The following CHL1 variants were observed in gnomAD, a reference collection of about 807,000 sequenced individuals.
CHL1 encodes neural cell adhesion molecule L1-like protein.
CHL1 carries 96 observed loss-of-function variants against 141.9 expected under a neutral mutation model. The ratio of observed to expected loss-of-function variants is 0.68; its 90% CI spans 0.57 to 0.80. CHL1 has a LOEUF of 0.80. Ranked by LOEUF, CHL1 falls within the 30% of genes least tolerant of loss-of-function variation. CHL1 has a pLI of 0.00. For synonymous variants in CHL1, 613 were observed against 502.2 expected, an observed-to-expected ratio of 1.22 and a Z score of -2.95; for missense variants, 1,820 against 1,457.2, an observed-to-expected ratio of 1.25 and a Z score of -4.05.
chr3:251,570 G>A (rs1350428752), intron 2 of CHL1, among the ~76,000 whole-genome samples: 2 of 152,076 alleles, frequency 1.3e-5, no homozygotes, highest in Non-Finnish European at 2.9e-5. Flanking sequence ...TCTTTAAAAT[G>A]GGGGATGTTG....
At chr3:344,399 C>A (rs950017619) in intron 8 of CHL1, among the ~76,000 whole-genome samples, 190 bp from the exon 9 acceptor site, 1 of 151,620 alleles carries the variant, frequency 6.6e-6, no homozygotes, top group Non-Finnish European at 1.5e-5. Flanking sequence ...ATATGAGGGA[C>A]AACCCATGCT....
chr3:348,909 C>G (rs541221411), intron 9 of CHL1, among the ~76,000 whole-genome samples: 1 of 152,344 alleles, frequency 6.6e-6, no homozygotes, highest in East Asian at 1.9e-4. Context: ...GGAAACTTCT[C>G]TCTGCTGACT....
chr3:293,547 T>C (rs533096930), intron 2 of CHL1, among the ~76,000 whole-genome samples: 3 of 152,084 alleles, frequency 2.0e-5, no homozygotes, highest in Non-Finnish European at 2.9e-5. Flanking sequence ...TCCCCCTGTA[T>C]TTCTGAGAAA....
chr3:340,631 C>T (rs1356908257), intron 5 of CHL1, among the ~76,000 whole-genome samples, 163 bp from the exon 6 acceptor site: 1 of 151,926 alleles, frequency 6.6e-6, no homozygotes, highest in Non-Finnish European at 1.5e-5. Context: ...ACACCAGTTT[C>T]TTAATAGTAT....
intron 2 of CHL1, among the ~76,000 whole-genome samples, chr3:270,376 G>A (rs1171356903): frequency 6.6e-6 from 1 of 152,026 alleles, no homozygotes; most frequent in Admixed American, 6.6e-5. Context: ...TTAAACCCTG[G>A]GACTCAATAT....
At chr3:366,567 T>C (rs1025174605) in intron 15 of CHL1, among the ~76,000 whole-genome samples, 1 of 152,078 alleles carries the variant, frequency 6.6e-6, no homozygotes, top group Non-Finnish European at 1.5e-5. Flanking sequence ...TGCTATCATA[T>C]GTTTATCATC....
intron 5 of CHL1, among the ~76,000 whole-genome samples, chr3:331,519 G>A (rs1349550955): frequency 6.6e-6 from 1 of 152,134 alleles, no homozygotes; most frequent in African/African-American, 2.4e-5. Flanking sequence ...TGGGATTACA[G>A]GCATGAGCCA....
chr3:376,378 A>G (rs1255558934), intron 15 of CHL1: 5 of 516,818 alleles, frequency 9.7e-6, no homozygotes, highest in African/African-American at 1.9e-5. Flanking sequence ...AAATGTACTG[A>G]TTTGGAACCT....
intron 14 of CHL1, 25 bp downstream of exon 14, chr3:363,408 G>T (rs931884860): frequency 1.3e-6 from 2 of 1,592,868 alleles, no homozygotes; most frequent in African/African-American, 1.3e-5. Context: ...CTGTTACTTT[G>T]CATGAATTGT....
In CHL1 at chr3:344,657, A is replaced by G. The variant is rs771743700; in HGVS notation, c.796A>G (p.Ile266Val). ...CACTGAGAGTGGCAGTGAGTCTTCAATTACCATCCTCAAAGGGGAAATCTT... is the reference window on the plus strand; with the variant it reads ...CACTGAGAGTGGCAGTGAGTCTTCAGTTACCATCCTCAAAGGGGAAATCTT... ...PPTESGSESS[I>V]TILKGEILLL... Residue 266 changes from isoleucine (I) to valine (V), a missense_variant, in exon 9 of 28, where the codon ATT (isoleucine) becomes GTT (valine). Ile to Val is a conservative substitution (Grantham distance 29, BLOSUM62 3). Coordinates refer to ENST00000256509, the MANE Select transcript of CHL1 (RefSeq NM_006614.4). The G allele has an allele frequency of 1.1e-5, 17 of 1,613,888 alleles. No homozygotes were observed. Among genetic ancestry groups the G allele is most frequent in the Admixed American group, 1.7e-5 (1 of 60,000 alleles).
At chr3:319,591 C>CAAAAAAA (rs35995557) in intron 2 of CHL1, 92 bp from the exon 3 acceptor site, 10 of 304,368 alleles carry the variant, frequency 3.3e-5, no homozygotes, top group East Asian at 2.5e-4. Context: ...ACTGCCAAAC[C>CAAAAAAA]AAAAAAAAAA....
intron 5 of CHL1, among the ~76,000 whole-genome samples, chr3:333,124 A>ATTTTTTTTTTTTT (rs879790982): frequency 0.013 from 1,104 of 83,228 alleles, 387 homozygotes; most frequent in African/African-American, 0.021. Context: ...TAATTGCTCT[A>ATTTTTTTTTTTTT]TTTTTTTTAT....
Position 354,656 on chromosome 3 carries a change from A to G in CHL1, c.1050A>G (p.Thr350=), listed in dbSNP as rs1219563092. 3.1e-6 allele frequency: 5 copies of G among 1,612,760 alleles called. No homozygotes were observed. The African/African-American group carries it at 6.7e-5, about 22-fold the overall frequency. Residue 350 remains threonine, a synonymous_variant, in exon 11 of 28, where the codon ACA becomes ACG. Coordinates refer to ENST00000256509, the MANE Select transcript of CHL1 (RefSeq NM_006614.4). ...HVIVEEPPRW[T]KKPQSAVYST... is the part of the protein sequence containing the mutation. ...TACATCCAGAGCCTCCTCGCTGGAC[A>G]AAGAAGCCTCAGAGTGCTGTGTATA...
intron 1 of CHL1, among the ~76,000 whole-genome samples, chr3:207,771 C>T (rs372485642): frequency 1.3e-5 from 2 of 152,198 alleles, no homozygotes; most frequent in East Asian, 3.9e-4. Flanking sequence ...TCTAGCAATT[C>T]TCAGAGGAGC....
intron 5 of CHL1, 33 bp downstream of exon 5, chr3:328,387 G>A (rs529146540): frequency 5.2e-6 from 8 of 1,543,666 alleles, no homozygotes; most frequent in South Asian, 4.8e-5. Flanking sequence ...CATTTTACAA[G>A]TGTTTTAGTG....
intron 2 of CHL1, among the ~76,000 whole-genome samples, chr3:267,906 GC>G (rs1276703341): frequency 1.3e-5 from 2 of 152,144 alleles, no homozygotes; most frequent in African/African-American, 2.4e-5. Flanking sequence ...AAATGCATTT[GC>G]CTTGATATCG....
chr3:239,190 C>T (rs564565538), intron 1 of CHL1, among the ~76,000 whole-genome samples: 10 of 152,206 alleles, frequency 6.6e-5, no homozygotes, highest in South Asian at 2.1e-4. Context: ...CTGCTGCTAC[C>T]GCAGCTGCCC....
chr3:224,456 G>T (rs1701142490), intron 1 of CHL1, among the ~76,000 whole-genome samples: 1 of 152,124 alleles, frequency 6.6e-6, no homozygotes, highest in Non-Finnish European at 1.5e-5. Flanking sequence ...GATCCCGTAT[G>T]GCCTGGTGCT....
At chr3:240,765 T>G (rs1357214631) in intron 1 of CHL1, among the ~76,000 whole-genome samples, 1 of 123,720 alleles carries the variant, frequency 8.1e-6, no homozygotes, top group African/African-American at 2.6e-5. Context: ...CTTGAGTTGA[T>G]TTTTGTATAA....
Sources: gnomAD v4.1 joint callset for allele counts (sites outside exome capture counted in the v4.1 genomes callset) on GRCh38, gnomAD v4.1.1 for gene constraint, MANE v1.5 for transcripts, NCBI Gene and HGNC (gene_info 2026-07-23, HGNC 2026-07-21) for gene names.